SORCS1: variants seen among roughly 807,000 people sequenced by gnomAD.
SORCS1 encodes the protein VPS10 domain-containing receptor SorCS1.
A neutral mutation model predicts 146.1 loss-of-function variants in SORCS1; 60 were observed. The observed-to-expected ratio is 0.41, with a 90% confidence interval of 0.33 to 0.51. The LOEUF is 0.51. SORCS1 is among the 20% of genes least tolerant of loss of function. SORCS1 has a pLI of 0.21. For synonymous variants in SORCS1, 637 were observed against 584.0 expected (o/e 1.09, Z -1.31); for missense variants, 1,352 against 1,487.6 (o/e 0.91, Z 1.50).
At chr10:106,711,048 C>G (rs894946294) in intron 6 of SORCS1, among the ~76,000 whole-genome samples, 1 of 152,172 alleles carries the variant, frequency 6.6e-6, no homozygotes, top group Non-Finnish European at 1.5e-5. Flanking sequence ...TTCTTTCTTA[C>G]TGAGCCGTGC....
chr10:107,031,336 T>G lies in SORCS1; in HGVS notation c.559-74756A>C, dbSNP rs546277932. Among the ~76,000 whole-genome samples, 19 of 152,298 alleles carry G rather than the reference T, an allele frequency of 1.2e-4. No homozygotes were observed. The East Asian group carries it at 3.5e-3, about 28-fold the overall frequency. On this transcript the variant is annotated intron_variant, in intron 1 of 25. Transcript: ENST00000263054. ...CTTGCCAGATTTTTTTTTCCATTTCTAATGCATTTTTTTCTAGCCATGGCC... is the reference window on the plus strand; with the variant it reads ...CTTGCCAGATTTTTTTTTCCATTTCGAATGCATTTTTTTCTAGCCATGGCC...
At chr10:106,966,086 C>T (rs1032077189) in intron 1 of SORCS1, among the ~76,000 whole-genome samples, 23 of 152,272 alleles carry the variant, frequency 1.5e-4, no homozygotes, top group East Asian at 3.9e-4. Flanking sequence ...TTCCTGACAG[C>T]GAATGCACAT....
chr10:106,942,174 G>A (rs539278510), intron 2 of SORCS1, among the ~76,000 whole-genome samples: 1 of 152,326 alleles, frequency 6.6e-6, no homozygotes, highest in South Asian at 2.1e-4. Context: ...GACAAGACAT[G>A]TTCCAAGTTT....
the SORCS1 span, among the ~76,000 whole-genome samples, chr10:107,171,514 CTTTTTTT>C: frequency 8.5e-6 from 1 of 117,272 alleles, no homozygotes; most frequent in African/African-American, 3.2e-5. Flanking sequence ...GGGAATCCCC[CTTTTTTT>C]TTTTTTTTTT....
chr10:106,793,198 T>C (rs914311568), intron 3 of SORCS1, among the ~76,000 whole-genome samples: 2 of 152,154 alleles, frequency 1.3e-5, no homozygotes, highest in African/African-American at 4.8e-5. Flanking sequence ...ATTGCTGGAA[T>C]AAGAGATGTA....
intron 1 of SORCS1, among the ~76,000 whole-genome samples, chr10:107,146,254 G>A (rs1023727640): frequency 1.3e-5 from 2 of 152,164 alleles, no homozygotes; most frequent in East Asian, 3.8e-4. Flanking sequence ...AGAATCCTAA[G>A]CGTTTGTCTC....
chr10:106,773,979 C>G (rs555151055), intron 4 of SORCS1, among the ~76,000 whole-genome samples: 1 of 151,984 alleles, frequency 6.6e-6, no homozygotes, highest in South Asian at 2.1e-4. Flanking sequence ...CACTATCAAA[C>G]GTCAGGTAGC....
At chr10:106,797,114 T>C (rs1016702881) in intron 3 of SORCS1, among the ~76,000 whole-genome samples, 2 of 151,980 alleles carry the variant, frequency 1.3e-5, no homozygotes, top group Non-Finnish European at 2.9e-5. Flanking sequence ...CTCAAAAAGA[T>C]AATAATAATA....
intron 2 of SORCS1, among the ~76,000 whole-genome samples, chr10:106,875,852 G>T (rs1030760257): frequency 2.0e-5 from 3 of 152,086 alleles, no homozygotes; most frequent in Admixed American, 1.3e-4. Context: ...ATAAAATACA[G>T]AGTGACAGAA....
Position 106,725,412 on chromosome 10 carries a change from G to A in SORCS1, c.1024+4638C>T, listed in dbSNP as rs576620999. ...TAAAAATGCAAAAAACCAGCTGGGT[G>A]TGGTGGCGGGCACCTATAATCCCAG... On this transcript the variant is annotated intron_variant, in intron 6 of 25. Coordinates refer to ENST00000263054, the MANE Select transcript of SORCS1 (RefSeq NM_052918.5). Among the ~76,000 whole-genome samples, 4 of 151,714 alleles carry A rather than the reference G, an allele frequency of 2.6e-5. No homozygotes were observed. In the South Asian group the frequency reaches 8.3e-4, roughly 32 times the overall value.
chr10:107,017,667 A>AT (rs1435636886), intron 1 of SORCS1, among the ~76,000 whole-genome samples: 2 of 152,058 alleles, frequency 1.3e-5, no homozygotes, highest in African/African-American at 4.8e-5. Flanking sequence ...ATTTCTATAT[A>AT]TTTTTTGAGA....
rs1968021931 is a variant in SORCS1, at chr10:107,143,504, T to C, written c.558+20465A>G. On this transcript the variant is annotated intron_variant, in intron 1 of 25. Coordinates refer to ENST00000263054, the MANE Select transcript of SORCS1 (RefSeq NM_052918.5). ...CTCCACACCCAGCTAATTCTTCTTT[T>C]CTTTTCTTTTTCTTTTTGAGATGGA... 2.0e-5 allele frequency among the ~76,000 whole-genome samples: 3 copies of C among 152,038 alleles called. 1 individual carries two copies. The highest frequency in any genetic ancestry group is 6.8e-3 in the Middle Eastern group (2 of 294).
At chr10:106,769,984 G>A (rs1407886303) in intron 4 of SORCS1, among the ~76,000 whole-genome samples, 2 of 151,956 alleles carry the variant, frequency 1.3e-5, no homozygotes, top group Non-Finnish European at 2.9e-5. Flanking sequence ...TCCCAGCTAT[G>A]CGGGAAGCTG....
the SORCS1 span, among the ~76,000 whole-genome samples, chr10:107,179,300 G>A: frequency 1.3e-5 from 2 of 152,118 alleles, no homozygotes; most frequent in Admixed American, 6.5e-5. Context: ...ACAAAGAAAA[G>A]TATGTGAGGT....
At chr10:106,973,695 C>T (rs1955883721) in intron 1 of SORCS1, among the ~76,000 whole-genome samples, 1 of 152,152 alleles carries the variant, frequency 6.6e-6, no homozygotes, top group African/African-American at 2.4e-5. Flanking sequence ...CTTAAATCGT[C>T]CAAGATTAAT....
At chr10:106,808,964 T>C (rs372663366) in intron 3 of SORCS1, among the ~76,000 whole-genome samples, 59 of 152,258 alleles carry the variant, frequency 3.9e-4, no homozygotes, top group African/African-American at 1.3e-3. Context: ...ATAAACCAAG[T>C]CAAAATAATA....
chr10:106,582,978 T>G (rs989971373), intron 24 of SORCS1, among the ~76,000 whole-genome samples: 9 of 152,182 alleles, frequency 5.9e-5, no homozygotes, highest in African/African-American at 2.2e-4. Context: ...AATTCCACAT[T>G]TGGGGTTAAG....
chr10:106,829,682 CA>C lies in SORCS1; in HGVS notation c.627-10del. 2.5e-6 allele frequency: 4 copies of C among 1,594,860 alleles called. No individual in the cohort carries two copies. The highest frequency in any genetic ancestry group is 8.6e-7 in the Non-Finnish European group (1 of 1,164,276). ...TTCCATAATCGGTTGACCTATAATC[CA>C]AAAAGAGCATTAATGAGGACAGAAG... On this transcript the variant is annotated splice_polypyrimidine_tract_variant and intron_variant, in intron 2 of 25. Transcript: ENST00000263054.
chr10:107,034,837 T>C (rs1160585275), intron 1 of SORCS1, among the ~76,000 whole-genome samples: 2 of 151,980 alleles, frequency 1.3e-5, no homozygotes, highest in Non-Finnish European at 2.9e-5. Flanking sequence ...GAACTCCTTT[T>C]ACAATTTTTC....
Sources: gnomAD v4.1 joint callset for allele counts (sites outside exome capture counted in the v4.1 genomes callset) on GRCh38, gnomAD v4.1.1 for gene constraint, MANE v1.5 for transcripts, NCBI Gene and HGNC (gene_info 2026-07-23, HGNC 2026-07-21) for gene names.